PHACTR3: variants seen among roughly 807,000 people sequenced by gnomAD.
The protein encoded by PHACTR3 is protein phosphatase 1, regulatory subunit 123.
A neutral mutation model predicts 66.8 loss-of-function variants in PHACTR3; 16 were observed. The ratio of observed to expected loss-of-function variants is 0.24; its 90% CI spans 0.16 to 0.36. The LOEUF (loss-of-function observed/expected upper bound fraction) is 0.36. PHACTR3 is among the 10% of genes least tolerant of loss of function. The probability of loss-of-function intolerance (pLI) is 1.00; values close to 1 mark genes in which losing one functional copy is unlikely to be tolerated. For synonymous variants in PHACTR3, 323 were observed against 292.1 expected, an observed-to-expected ratio of 1.11 and a Z score of -1.08; for missense variants, 647 against 719.9, an observed-to-expected ratio of 0.90 and a Z score of 1.16.
chr20:59,756,648 G>A (rs2039805205), intron 4 of PHACTR3, among the ~76,000 whole-genome samples: 1 of 151,706 alleles, frequency 6.6e-6, no homozygotes, highest in Admixed American at 6.6e-5. Context: ...GTGTGCCCCA[G>A]GCATCTGACT....
At chr20:59,702,918 A>G (rs891171095) in intron 1 of PHACTR3, among the ~76,000 whole-genome samples, 1 of 152,196 alleles carries the variant, frequency 6.6e-6, no homozygotes, top group African/African-American at 2.4e-5. Flanking sequence ...TTTCGTCTAC[A>G]TGGCCCTACT....
intron 1 of PHACTR3, among the ~76,000 whole-genome samples, chr20:59,650,955 T>C (rs1275395158): frequency 6.6e-6 from 1 of 152,160 alleles, no homozygotes; most frequent in African/African-American, 2.4e-5. Context: ...TCTTGTGTCT[T>C]TTAACAAAAA....
At chr20:59,621,876 C>T (rs191839194) in intron 1 of PHACTR3, among the ~76,000 whole-genome samples, 1 of 152,356 alleles carries the variant, frequency 6.6e-6, no homozygotes, top group East Asian at 1.9e-4. Flanking sequence ...CCACTCCCCT[C>T]CTTTCTTCCC....
Position 59,823,348 on chromosome 20 carries a change from G to A in PHACTR3, c.1329-13157G>A, listed in dbSNP as rs73917307. Among the ~76,000 whole-genome samples the A allele has an allele frequency of 4.2e-3, 644 of 152,230 alleles. 3 individuals carry two copies. The highest frequency in any genetic ancestry group is 0.014 in the African/African-American group (602 of 41,550). ...ATGTGCTGTGCCCAGCTCGGGGTGA[G>A]CTGGAACCTGCGGTAGATCCTTCGC... On this transcript the variant is annotated intron_variant, in intron 8 of 12. Transcript: ENST00000371015.
At chr20:59,827,485 G>A (rs1054466685) in intron 8 of PHACTR3, among the ~76,000 whole-genome samples, 1 of 152,180 alleles carries the variant, frequency 6.6e-6, no homozygotes, top group East Asian at 1.9e-4. Flanking sequence ...TGGAGACAGT[G>A]CGGTGTGCAG....
chr20:59,606,464 T>G (rs921229176), intron 1 of PHACTR3, among the ~76,000 whole-genome samples: 10 of 151,680 alleles, frequency 6.6e-5, no homozygotes, highest in Admixed American at 6.6e-4. Context: ...TTCCTTAGAG[T>G]TTCAAGCAGA....
chr20:59,694,927 T>C (rs2037240685), intron 1 of PHACTR3, among the ~76,000 whole-genome samples: 1 of 152,152 alleles, frequency 6.6e-6, no homozygotes, highest in Admixed American at 6.5e-5. Context: ...GTGCTTCTTC[T>C]AGGCATGGCT....
chr20:59,714,283 C>G (rs914421735), intron 1 of PHACTR3, among the ~76,000 whole-genome samples: 16 of 152,202 alleles, frequency 1.1e-4, no homozygotes, highest in African/African-American at 3.9e-4. Context: ...TGCCTACCCA[C>G]AAACCATAAA....
chr20:59,834,234 G>A (rs1451511062), intron 8 of PHACTR3, among the ~76,000 whole-genome samples: 3 of 152,162 alleles, frequency 2.0e-5, no homozygotes, highest in Non-Finnish European at 2.9e-5. Flanking sequence ...AAGTGCCTGT[G>A]TGCCTTCCCC....
At chr20:59,744,444 G>C (rs2039291464) in intron 2 of PHACTR3, among the ~76,000 whole-genome samples, 1 of 152,192 alleles carries the variant, frequency 6.6e-6, no homozygotes, top group African/African-American at 2.4e-5. Flanking sequence ...TGTGGAATCA[G>C]TCCCAGGCCT....
At chr20:59,580,031 G>T (rs2032815799) in intron 1 of PHACTR3, among the ~76,000 whole-genome samples, 1 of 152,174 alleles carries the variant, frequency 6.6e-6, no homozygotes, top group Non-Finnish European at 1.5e-5. Flanking sequence ...CTGGGCCATT[G>T]CACGTCTGAG....
chr20:59,833,435 T>A (rs994923444), intron 8 of PHACTR3, among the ~76,000 whole-genome samples: 5 of 152,258 alleles, frequency 3.3e-5, no homozygotes, highest in Non-Finnish European at 7.3e-5. Context: ...GAGAAATTAC[T>A]ATATCCCAAG....
At chr20:59,767,456 C>G (rs772705951) in intron 5 of PHACTR3, 61 bp downstream of exon 5, 2 of 1,507,520 alleles carry the variant, frequency 1.3e-6, no homozygotes, top group African/African-American at 2.8e-5. Context: ...ATCCATCTAT[C>G]CTACATTCAT....
chr20:59,764,001 G>A (rs1049143227), intron 4 of PHACTR3, among the ~76,000 whole-genome samples: 1 of 152,178 alleles, frequency 6.6e-6, no homozygotes, highest in Non-Finnish European at 1.5e-5. Context: ...GTATACATGA[G>A]GTCAAGACTG....
chr20:59,706,689 A>G (rs575081122), intron 1 of PHACTR3, among the ~76,000 whole-genome samples: 61 of 152,284 alleles, frequency 4.0e-4, no homozygotes, highest in Non-Finnish European at 8.1e-4. Flanking sequence ...GCTTGTTCCA[A>G]TCTTGTGTTT....
At chr20:59,828,236 G>C (rs2042250404) in intron 8 of PHACTR3, among the ~76,000 whole-genome samples, 1 of 152,204 alleles carries the variant, frequency 6.6e-6, no homozygotes, top group Admixed American at 6.5e-5. Flanking sequence ...AGATTGGGGA[G>C]GGAACCTTGC....
In PHACTR3 at chr20:59,743,092, G is replaced by A; in HGVS notation, c.119-15G>A. 6.2e-7 allele frequency: 1 copy of A among 1,608,456 alleles called. No individual in the cohort carries two copies. The highest frequency in any genetic ancestry group is 8.5e-7 in the Non-Finnish European group (1 of 1,176,976). ...TGGTGGCCACTTGAGGACCCCCTTG[G>A]TTTTCGTCTTCCAGATGAGATGGAC... is the stretch of plus-strand genomic sequence containing the variant. On this transcript the variant is annotated splice_polypyrimidine_tract_variant and intron_variant, in intron 1 of 12. Transcript: ENST00000371015.
chr20:59,706,671 T>C (rs1449241892), intron 1 of PHACTR3, among the ~76,000 whole-genome samples: 1 of 152,246 alleles, frequency 6.6e-6, no homozygotes, highest in East Asian at 1.9e-4. Flanking sequence ...GGGCTTTTTT[T>C]CTGCTTTGCT....
intron 7 of PHACTR3, among the ~76,000 whole-genome samples, chr20:59,786,222 G>C (rs2040910044): frequency 6.6e-6 from 1 of 152,360 alleles, no homozygotes; most frequent in African/African-American, 2.4e-5. Context: ...GTGTCTGGGG[G>C]CCTTGGCTGG....
Sources: gnomAD v4.1 joint callset for allele counts (sites outside exome capture counted in the v4.1 genomes callset) on GRCh38, gnomAD v4.1.1 for gene constraint, MANE v1.5 for transcripts, NCBI Gene and HGNC (gene_info 2026-07-23, HGNC 2026-07-21) for gene names.